PRDX4: variants seen among roughly 807,000 people sequenced by gnomAD.
PRDX4 encodes the protein peroxiredoxin 4, also known as peroxiredoxin-4.
Under a neutral mutation model 20.5 loss-of-function variants are expected in PRDX4, and 12 were observed. That is an observed-to-expected ratio of 0.58 (90% confidence interval 0.37 to 0.95). The LOEUF (loss-of-function observed/expected upper bound fraction) is 0.95. Among genes scored for constraint, PRDX4 ranks in the 40% least tolerant of loss-of-function variants. The pLI, the probability that PRDX4 is intolerant of heterozygous loss-of-function variation, is 0.01. For missense variants in PRDX4, 180 were observed against 207.3 expected (o/e 0.87, Z 0.81); for synonymous variants, 99 against 87.5 (o/e 1.13, Z -0.73).
chrX:23,682,551 AT>A (rs1360784186), intron 5 of PRDX4, 25 bp downstream of exon 5: 2 of 1,083,241 alleles, frequency 1.8e-6, no homozygotes, highest in Non-Finnish European at 2.4e-6. Flanking sequence ...TAACCTTTTG[AT>A]TTTTTAGTTT....
chrX:23,669,785 C>T (rs1300900051), intron 1 of PRDX4, among the ~76,000 whole-genome samples: 4 of 109,837 alleles, frequency 3.6e-5, no homozygotes, highest in Non-Finnish European at 7.6e-5. Flanking sequence ...GGTGTGATGG[C>T]GCATACCTGT....
At chrX:23,670,388 C>T (rs1436555979) in intron 1 of PRDX4, among the ~76,000 whole-genome samples, 2 of 111,383 alleles carry the variant, frequency 1.8e-5, no homozygotes, top group Non-Finnish European at 3.8e-5. Context: ...CTAATCAGAT[C>T]AGGATTATAT....
At chrX:23,682,659 C>A in intron 5 of PRDX4, 133 bp downstream of exon 5, 2 of 449,380 alleles carry the variant, frequency 4.5e-6, no homozygotes, top group Non-Finnish European at 6.2e-6. Flanking sequence ...ATCCTTTTAA[C>A]AGACCAAATT....
At chrX:23,679,401 G>T in intron 4 of PRDX4, 114 bp downstream of exon 4, 3 of 890,010 alleles carry the variant, frequency 3.4e-6, no homozygotes, top group Non-Finnish European at 4.6e-6. Context: ...ATATAATTTT[G>T]AGGCCAGGCA....
intron 5 of PRDX4, among the ~76,000 whole-genome samples, chrX:23,682,854 ATATAT>A (rs1476640514): frequency 1.5e-4 from 2 of 13,587 alleles, no homozygotes; most frequent in Admixed American, 1.3e-3. Context: ...AAAAAAAAAA[ATATAT>A]ATATATATAT....
intron 1 of PRDX4, among the ~76,000 whole-genome samples, chrX:23,668,984 C>T (rs1927788704): frequency 9.1e-6 from 1 of 109,365 alleles, no homozygotes; most frequent in Non-Finnish European, 1.9e-5. Flanking sequence ...GGAGTGCGGT[C>T]GCGCGATCTC....
At chrX:23,669,564 T>C (rs978996149) in intron 1 of PRDX4, among the ~76,000 whole-genome samples, 1 of 111,702 alleles carries the variant, frequency 9.0e-6, no homozygotes, top group Non-Finnish European at 1.9e-5. Flanking sequence ...ATTAATTTAC[T>C]GTTTCCTTTA....
chrX:23,676,528 C>T (rs372128461), intron 3 of PRDX4, among the ~76,000 whole-genome samples: 1 of 110,140 alleles, frequency 9.1e-6, no homozygotes, highest in Non-Finnish European at 1.9e-5. Context: ...TGGTGGCTCA[C>T]GCCTATAATC....
intron 1 of PRDX4, 74 bp downstream of exon 1, chrX:23,667,885 CT>C: frequency 8.5e-7 from 1 of 1,174,348 alleles, no homozygotes; most frequent in Non-Finnish European, 1.1e-6. Context: ...CCCCCGGAAT[CT>C]GGGCTTGGGC....
chrX:23,667,825 C>T lies in PRDX4; in HGVS notation c.241+14C>T, dbSNP rs1284089318. 1 of 1,208,443 alleles carries T rather than the reference C, an allele frequency of 8.3e-7. No homozygotes were observed. Among genetic ancestry groups the T allele is most frequent in the East Asian group, 3.0e-5 (1 of 33,661 alleles). On this transcript the variant is annotated intron_variant, in intron 1 of 6. Transcript: ENST00000379341. ...GCAAAGCGAAGAGTAGGTGGTGTCC[C>T]GCCAAAGGGTGGGAGGGGAGATTCC...
chrX:23,685,810 GTTTTT>G (rs752773243), intron 6 of PRDX4, among the ~76,000 whole-genome samples: 1 of 100,790 alleles, frequency 9.9e-6, no homozygotes, highest in Non-Finnish European at 2.0e-5. Context: ...TTGAGTTTGG[GTTTTT>G]TTTTTGTTTT....
Sources: gnomAD v4.1 joint callset for allele counts (sites outside exome capture counted in the v4.1 genomes callset) on GRCh38, gnomAD v4.1.1 for gene constraint, MANE v1.5 for transcripts, NCBI Gene and HGNC (gene_info 2026-07-23, HGNC 2026-07-21) for gene names.